Variants in COL25A1 observed in about 807,000 individuals in gnomAD.
COL25A1 encodes collagen alpha-1(XXV) chain.
A neutral mutation model predicts 128.4 loss-of-function variants in COL25A1; 103 were observed. The ratio of observed to expected loss-of-function variants is 0.80; its 90% CI spans 0.68 to 0.94. The LOEUF (loss-of-function observed/expected upper bound fraction) is 0.94. COL25A1 is among the 40% of genes least tolerant of loss of function. The pLI is 0.00. For synonymous variants in COL25A1, 279 were observed against 277.2 expected, an observed-to-expected ratio of 1.01 and a Z score of -0.06; for missense variants, 745 against 840.0, an observed-to-expected ratio of 0.89 and a Z score of 1.40.
chr4:109,127,313 C>G (rs1011830858), intron 3 of COL25A1, among the ~76,000 whole-genome samples: 1 of 152,046 alleles, frequency 6.6e-6, no homozygotes, highest in African/African-American at 2.4e-5. Flanking sequence ...ATTATTCTTT[C>G]CAATACTCAA....
chr4:109,106,083 GGAT>G (rs1345858253), intron 3 of COL25A1, among the ~76,000 whole-genome samples: 5 of 152,088 alleles, frequency 3.3e-5, no homozygotes, highest in African/African-American at 1.2e-4. Flanking sequence ...CACATAATCA[GGAT>G]GATAACATAG....
intron 3 of COL25A1, among the ~76,000 whole-genome samples, chr4:109,062,308 G>A (rs180986516): frequency 1.3e-5 from 2 of 152,258 alleles, no homozygotes; most frequent in Admixed American, 1.3e-4. Flanking sequence ...TTTCAAAGTA[G>A]AATTTGAGTT....
chr4:108,894,994 AG>A (rs1276646504), intron 16 of COL25A1, among the ~76,000 whole-genome samples: 1 of 152,146 alleles, frequency 6.6e-6, no homozygotes, highest in Non-Finnish European at 1.5e-5. Flanking sequence ...TTGTGAGTAG[AG>A]GCCAAAAATG....
chr4:109,101,184 G>T (rs555779296), intron 3 of COL25A1, among the ~76,000 whole-genome samples: 101 of 152,128 alleles, frequency 6.6e-4, no homozygotes, highest in Non-Finnish European at 1.2e-3. Context: ...ACTCAAAATA[G>T]AATTCAAAGG....
chr4:109,134,749 G>C (rs1279396368), intron 3 of COL25A1, among the ~76,000 whole-genome samples: 1 of 152,072 alleles, frequency 6.6e-6, no homozygotes, highest in Admixed American at 6.6e-5. Flanking sequence ...GTGCAGAGAA[G>C]GAGCAAGTTT....
intron 13 of COL25A1, among the ~76,000 whole-genome samples, chr4:108,903,090 C>T (rs150526156): frequency 2.6e-4 from 39 of 151,928 alleles, no homozygotes; most frequent in African/African-American, 9.4e-4. Context: ...CCCCTGGAAC[C>T]GGACAAAATT....
At chr4:108,857,077 G>A (rs975468526) in intron 24 of COL25A1, among the ~76,000 whole-genome samples, 3 of 152,060 alleles carry the variant, frequency 2.0e-5, no homozygotes, top group Non-Finnish European at 2.9e-5. Context: ...TGCAAAGAAT[G>A]CTTTGAGAAC....
intron 3 of COL25A1, among the ~76,000 whole-genome samples, chr4:109,218,357 GTTTTTTTTTT>G (rs34056401): frequency 5.6e-4 from 41 of 73,570 alleles, no homozygotes; most frequent in Admixed American, 2.1e-3. Context: ...GTTTTTTGGG[GTTTTTTTTTT>G]TTTTTTTTTT....
At chr4:108,881,752 CT>C (rs1740155557) in intron 19 of COL25A1, among the ~76,000 whole-genome samples, 1 of 152,178 alleles carries the variant, frequency 6.6e-6, no homozygotes, top group Admixed American at 6.5e-5. Flanking sequence ...TGTGACGTAT[CT>C]TTAAATTGTC....
chr4:108,952,216 G>A (rs1578871620), intron 8 of COL25A1, among the ~76,000 whole-genome samples: 1 of 151,962 alleles, frequency 6.6e-6, no homozygotes, highest in South Asian at 2.1e-4. Flanking sequence ...ACATATTAAT[G>A]AGAACTAGTA....
At chr4:109,300,466 C>G (rs994634671) in intron 3 of COL25A1, 117 bp downstream of exon 3, 21 of 663,950 alleles carry the variant, frequency 3.2e-5, no homozygotes, top group Non-Finnish European at 4.3e-5. Context: ...TTTATTAAAG[C>G]AAGTTGGGTC....
At chr4:109,245,643 C>T (rs1244241427) in intron 3 of COL25A1, among the ~76,000 whole-genome samples, 2 of 152,014 alleles carry the variant, frequency 1.3e-5, no homozygotes, top group South Asian at 2.1e-4. Flanking sequence ...ATGAGTACAG[C>T]GGCAGCTACC....
chr4:108,954,270 C>T (rs994591135), intron 8 of COL25A1, among the ~76,000 whole-genome samples: 1 of 151,970 alleles, frequency 6.6e-6, no homozygotes, highest in African/African-American at 2.4e-5. Flanking sequence ...ATTGAAAAAT[C>T]ATAAAATAAA....
intron 3 of COL25A1, among the ~76,000 whole-genome samples, chr4:109,198,985 A>AT (rs905293123): frequency 4.6e-5 from 7 of 152,170 alleles, no homozygotes; most frequent in African/African-American, 1.7e-4. Context: ...AGCAGGGAAT[A>AT]TTTTAACATG....
At chr4:109,258,439 G>A (rs1781221379) in intron 3 of COL25A1, among the ~76,000 whole-genome samples, 1 of 149,444 alleles carries the variant, frequency 6.7e-6, no homozygotes, top group Admixed American at 6.6e-5. Context: ...TATATCATCT[G>A]TAAAATGGGA....
At chr4:108,923,924 T>A (rs915846076) in intron 11 of COL25A1, among the ~76,000 whole-genome samples, 2 of 152,234 alleles carry the variant, frequency 1.3e-5, no homozygotes, top group South Asian at 2.1e-4. Flanking sequence ...TATTTGCATA[T>A]ACTTTGTATA....
At chr4:108,864,208 T>C (rs917087262) in intron 20 of COL25A1, among the ~76,000 whole-genome samples, 3 of 152,184 alleles carry the variant, frequency 2.0e-5, no homozygotes, top group African/African-American at 4.8e-5. Flanking sequence ...TGTTGGTAAA[T>C]AGAAAGACCT....
At chr4:109,025,407 A>G (rs1758164220) in intron 5 of COL25A1, among the ~76,000 whole-genome samples, 1 of 152,206 alleles carries the variant, frequency 6.6e-6, no homozygotes, top group African/African-American at 2.4e-5. Flanking sequence ...TGATTGTTCC[A>G]GATAAATACT....
At chr4:109,018,121 C>T (rs1187868089) in intron 5 of COL25A1, among the ~76,000 whole-genome samples, 1 of 152,144 alleles carries the variant, frequency 6.6e-6, no homozygotes, top group South Asian at 2.1e-4. Flanking sequence ...TTAGAACCAC[C>T]TCAAAAAACT....
Sources: allele counts gnomAD v4.1 joint callset (sites outside exome capture counted in the v4.1 genomes callset), GRCh38; gene constraint gnomAD v4.1.1; transcripts MANE v1.5; gene names NCBI Gene and HGNC (gene_info 2026-07-23, HGNC 2026-07-21).